The following PARD3 variants were observed in gnomAD, a reference collection of about 807,000 sequenced individuals.
PARD3 encodes par-3 family cell polarity regulator, also known as partitioning defective 3 homolog.
Under a neutral mutation model 155.4 loss-of-function variants are expected in PARD3, and 75 were observed. The observed-to-expected ratio is 0.48, with a 90% CI of 0.40 to 0.58. The LOEUF (loss-of-function observed/expected upper bound fraction) is 0.58, where lower values mean the gene tolerates loss of function less well. PARD3 is among the 20% of genes least tolerant of loss of function. The pLI is 0.00. For missense variants in PARD3, 1,642 were observed against 1,721.7 expected (o/e 0.95, Z 0.82); for synonymous variants, 576 against 610.5 (o/e 0.94, Z 0.83).
chr10:34,573,332 G>A (rs540137168), intron 2 of PARD3, among the ~76,000 whole-genome samples: 13 of 152,280 alleles, frequency 8.5e-5, no homozygotes, highest in Admixed American at 7.8e-4. Context: ...CTCCAGCCTA[G>A]GCAACAGAGT....
intron 2 of PARD3, among the ~76,000 whole-genome samples, chr10:34,565,608 C>G (rs1393674704): frequency 6.6e-6 from 1 of 152,116 alleles, no homozygotes; most frequent in Non-Finnish European, 1.5e-5. Flanking sequence ...TGCTCTTTAA[C>G]AACTTTGTGT....
intron 1 of PARD3, among the ~76,000 whole-genome samples, chr10:34,792,897 C>T (rs144453147): frequency 6.6e-6 from 1 of 152,358 alleles, no homozygotes; most frequent in African/African-American, 2.4e-5. Flanking sequence ...TCAAAATTAT[C>T]GGAGTAACTT....
chr10:34,485,040 T>A (rs918865374), intron 3 of PARD3, among the ~76,000 whole-genome samples: 7 of 152,256 alleles, frequency 4.6e-5, no homozygotes, highest in Non-Finnish European at 1.0e-4. Context: ...CAAGTCTCAA[T>A]CAATTTAGAA....
At chr10:34,582,806 G>A (rs1302096121) in intron 2 of PARD3, among the ~76,000 whole-genome samples, 1 of 152,222 alleles carries the variant, frequency 6.6e-6, no homozygotes, top group Non-Finnish European at 1.5e-5. Flanking sequence ...TGAGCTTTAA[G>A]AAGTTAAAGA....
At chr10:34,389,008 A>C (rs928672081) in intron 7 of PARD3, among the ~76,000 whole-genome samples, 4 of 152,166 alleles carry the variant, frequency 2.6e-5, no homozygotes, top group African/African-American at 9.7e-5. Flanking sequence ...TTATGAATCT[A>C]AGATAAACCC....
At chr10:34,202,106 CTT>C (rs1951245341) in intron 22 of PARD3, 1 of 152,200 alleles carries the variant, frequency 6.6e-6, no homozygotes, top group Non-Finnish European at 1.5e-5. Flanking sequence ...CAGGGTCTCT[CTT>C]TGTTGCTCAG....
At chr10:34,806,504 T>A (rs979883316) in intron 1 of PARD3, among the ~76,000 whole-genome samples, 1 of 151,934 alleles carries the variant, frequency 6.6e-6, no homozygotes, top group Non-Finnish European at 1.5e-5. Context: ...CTGGCTAATT[T>A]TTTTAAAAAG....
chr10:34,145,207 ATATATATATATATATTTTTTTT>A (rs1379741630), intron 22 of PARD3, among the ~76,000 whole-genome samples: 8 of 63,094 alleles, frequency 1.3e-4, no homozygotes, highest in Admixed American at 7.3e-4. Flanking sequence ...ATATATATAT[ATATATATATATATATTTTTTTT>A]TTTTTTTTTT....
At chr10:34,224,673 A>C (rs1305719084) in intron 22 of PARD3, among the ~76,000 whole-genome samples, 1 of 152,202 alleles carries the variant, frequency 6.6e-6, no homozygotes, top group Non-Finnish European at 1.5e-5. Flanking sequence ...TCTGCAATCA[A>C]TAGGGGGCCA....
chr10:34,775,189 A>T (rs1839385029), intron 1 of PARD3, among the ~76,000 whole-genome samples: 1 of 152,204 alleles, frequency 6.6e-6, no homozygotes, highest in Admixed American at 6.5e-5. Context: ...CAGCACTCTA[A>T]ATTTATATAC....
chr10:34,646,517 A>G (rs923094322), intron 2 of PARD3, among the ~76,000 whole-genome samples: 2 of 152,228 alleles, frequency 1.3e-5, no homozygotes, highest in African/African-American at 4.8e-5. Context: ...CTCAGAGAGC[A>G]TAATAGTAAT....
intron 7 of PARD3, among the ~76,000 whole-genome samples, chr10:34,386,858 T>C (rs1249359169): frequency 1.3e-5 from 2 of 151,976 alleles, no homozygotes; most frequent in African/African-American, 4.8e-5. Context: ...TATCTATGAT[T>C]CCGATGAATG....
chr10:34,158,266 A>G (rs1290661331), intron 22 of PARD3, among the ~76,000 whole-genome samples: 1 of 152,208 alleles, frequency 6.6e-6, no homozygotes, highest in East Asian at 1.9e-4. Flanking sequence ...GAGAAAAGAC[A>G]AATTAGAGTC....
At chr10:34,482,100 T>C (rs571778820) in intron 3 of PARD3, among the ~76,000 whole-genome samples, 1 of 134,016 alleles carries the variant, frequency 7.5e-6, no homozygotes, top group Admixed American at 7.9e-5. Flanking sequence ...AGTGGCACCA[T>C]CATTGCTCAC....
chr10:34,736,309 C>A (rs984401221), intron 1 of PARD3, among the ~76,000 whole-genome samples: 1 of 149,732 alleles, frequency 6.7e-6, no homozygotes, highest in South Asian at 2.1e-4. Flanking sequence ...GGATTATAGG[C>A]GTGAGCCACT....
chr10:34,353,919 C>G (rs890826060), intron 14 of PARD3, among the ~76,000 whole-genome samples: 1 of 151,280 alleles, frequency 6.6e-6, no homozygotes, highest in Non-Finnish European at 1.5e-5. Flanking sequence ...CAATGGGAAG[C>G]CATCTCTTTT....
intron 12 of PARD3, among the ~76,000 whole-genome samples, chr10:34,369,312 ATTTG>A (rs112701771): frequency 0.18 from 9,210 of 51,382 alleles, 678 homozygotes; most frequent in African/African-American, 0.46. Flanking sequence ...TTATTTATTT[ATTTG>A]TTTATTTATT....
At chr10:34,492,303 G>A (rs2079967707) in intron 3 of PARD3, among the ~76,000 whole-genome samples, 1 of 152,094 alleles carries the variant, frequency 6.6e-6, no homozygotes, top group Non-Finnish European at 1.5e-5. Context: ...AGACAGGCTC[G>A]CACCTGCTCA....
intron 2 of PARD3, among the ~76,000 whole-genome samples, chr10:34,597,037 T>C (rs931682447): frequency 4.6e-5 from 7 of 152,146 alleles, no homozygotes; most frequent in African/African-American, 1.7e-4. Context: ...CAGAAGGTTC[T>C]AGGCTCCTAT....
Sources: allele counts gnomAD v4.1 joint callset (sites outside exome capture counted in the v4.1 genomes callset), GRCh38; gene constraint gnomAD v4.1.1; transcripts MANE v1.5; gene names NCBI Gene and HGNC (gene_info 2026-07-23, HGNC 2026-07-21).